PAK1: variants seen among roughly 807,000 people sequenced by gnomAD.
The protein encoded by PAK1 is serine/threonine-protein kinase PAK 1.
PAK1 carries 29 observed loss-of-function variants against 67.4 expected under a neutral mutation model. The observed-to-expected ratio is 0.43, with a 90% CI of 0.32 to 0.59. The LOEUF (loss-of-function observed/expected upper bound fraction) is 0.59, where lower values mean the gene tolerates loss of function less well. PAK1 is among the 20% of genes least tolerant of loss of function. PAK1 has a pLI of 0.07. For synonymous variants in PAK1, 223 were observed against 237.4 expected (o/e 0.94, Z 0.56); for missense variants, 337 against 670.7 (o/e 0.50, Z 5.50).
chr11:77,359,825 C>T (rs1190097847), intron 5 of PAK1, among the ~76,000 whole-genome samples: 1 of 152,082 alleles, frequency 6.6e-6, no homozygotes, highest in Non-Finnish European at 1.5e-5. Context: ...AAAATGCCTC[C>T]AAAATATGAG....
chr11:77,430,761 G>A (rs752619120), intron 1 of PAK1, among the ~76,000 whole-genome samples: 5 of 152,178 alleles, frequency 3.3e-5, no homozygotes, highest in African/African-American at 4.8e-5. Context: ...GTTGTAAAGC[G>A]TTAGGAAAAG....
chr11:77,492,198 G>A, the PAK1 span, among the ~76,000 whole-genome samples: 3 of 152,086 alleles, frequency 2.0e-5, no homozygotes, highest in East Asian at 1.9e-4. Flanking sequence ...AGCCGGGCAC[G>A]GTGGCAGGTG....
chr11:77,506,422 G>A, the PAK1 span, among the ~76,000 whole-genome samples: 2 of 152,224 alleles, frequency 1.3e-5, no homozygotes, highest in Non-Finnish European at 2.9e-5. Context: ...AGCTTTGCTT[G>A]TCACTACTGT....
chr11:77,450,983 A>G (rs1253168178), intron 1 of PAK1, among the ~76,000 whole-genome samples: 2 of 152,208 alleles, frequency 1.3e-5, no homozygotes, highest in African/African-American at 2.4e-5. Context: ...CACCACCTAT[A>G]GCCTCTGGAA....
chr11:77,359,831 A>G (rs1946541234), intron 5 of PAK1, among the ~76,000 whole-genome samples: 2 of 152,144 alleles, frequency 1.3e-5, no homozygotes, highest in South Asian at 4.1e-4. Context: ...CCTCCAAAAT[A>G]TGAGATTTTT....
At chr11:77,428,167 G>T (rs1160036796) in intron 1 of PAK1, among the ~76,000 whole-genome samples, 2 of 152,156 alleles carry the variant, frequency 1.3e-5, no homozygotes, top group African/African-American at 4.8e-5. Flanking sequence ...GCAGAGCAGT[G>T]GCATGATTTG....
chr11:77,497,101 C>T, the PAK1 span, among the ~76,000 whole-genome samples: 1 of 152,054 alleles, frequency 6.6e-6, no homozygotes, highest in Admixed American at 6.6e-5. Context: ...TGAATCTGTC[C>T]CACTGTATAG....
intron 2 of PAK1, among the ~76,000 whole-genome samples, chr11:77,388,285 C>T (rs1056042156): frequency 1.3e-5 from 2 of 152,210 alleles, no homozygotes; most frequent in African/African-American, 4.8e-5. Context: ...TTCTTTTCAC[C>T]TATATAGACA....
intron 1 of PAK1, chr11:77,455,920 G>A (rs1957060239): frequency 6.6e-6 from 1 of 152,204 alleles, no homozygotes; most frequent in South Asian, 2.1e-4. Context: ...GAGCTCTGAA[G>A]AATGAGGGGT....
chr11:77,371,548 T>A (rs1948426726), intron 5 of PAK1, among the ~76,000 whole-genome samples: 1 of 152,202 alleles, frequency 6.6e-6, no homozygotes, highest in Admixed American at 6.5e-5. Context: ...TACTAACTCA[T>A]TCAAACGTAG....
the PAK1 span, among the ~76,000 whole-genome samples, chr11:77,491,571 A>G: frequency 6.6e-6 from 1 of 152,160 alleles, no homozygotes; most frequent in South Asian, 2.1e-4. Flanking sequence ...TAGAGTTTTT[A>G]TTAGTTTTCT....
At chr11:77,496,186 T>C in the PAK1 span, among the ~76,000 whole-genome samples, 1 of 151,670 alleles carries the variant, frequency 6.6e-6, no homozygotes, top group East Asian at 2.0e-4. Flanking sequence ...GCCTGGCTAA[T>C]TTTTGTATTT....
chr11:77,326,038 G>A (rs986589458), intron 14 of PAK1, among the ~76,000 whole-genome samples: 1 of 152,012 alleles, frequency 6.6e-6, no homozygotes, highest in African/African-American at 2.4e-5. Context: ...GTCACTTCTG[G>A]GCTTCATAAT....
At chr11:77,339,503 C>G (rs1943251563) in intron 11 of PAK1, among the ~76,000 whole-genome samples, 1 of 151,662 alleles carries the variant, frequency 6.6e-6, no homozygotes, top group Non-Finnish European at 1.5e-5. Flanking sequence ...AAAAAAAAGT[C>G]AGAACCCCTA....
At chr11:77,481,153 A>G in the PAK1 span, among the ~76,000 whole-genome samples, 1 of 152,098 alleles carries the variant, frequency 6.6e-6, no homozygotes, top group Non-Finnish European at 1.5e-5. Flanking sequence ...TAACTACATC[A>G]TTCCAGTGTC....
Position 77,441,930 on chromosome 11 carries a change from G to A in PAK1, c.-22+31622C>T, listed in dbSNP as rs183142869. On this transcript the variant is annotated intron_variant, in intron 1 of 14. Transcript: ENST00000356341. ...ATCTTCTTGTGTTCCCGACCCTCACGAAAGTGTCTGGTTGCTGGTAAAACA... is the reference window on the plus strand; with the variant it reads ...ATCTTCTTGTGTTCCCGACCCTCACAAAAGTGTCTGGTTGCTGGTAAAACA... 2.6e-5 allele frequency among the ~76,000 whole-genome samples: 4 copies of A among 152,282 alleles called. No individual in the cohort carries two copies. In the East Asian group the frequency reaches 5.8e-4, roughly 22 times the overall value.
chr11:77,402,559 C>T (rs951641812), intron 1 of PAK1, among the ~76,000 whole-genome samples: 1 of 152,112 alleles, frequency 6.6e-6, no homozygotes, highest in African/African-American at 2.4e-5. Context: ...GATGACCTGC[C>T]TTACAGGTTG....
the PAK1 span, among the ~76,000 whole-genome samples, chr11:77,529,424 A>C: frequency 6.6e-6 from 1 of 152,262 alleles, no homozygotes; most frequent in Non-Finnish European, 1.5e-5. Flanking sequence ...AGCCACTTCA[A>C]CATCTTTGAG....
Position 77,392,406 on chromosome 11 carries a change from T to C in PAK1, c.115A>G (p.Lys39Glu). 6.2e-7 allele frequency: 1 copy of C among 1,614,092 alleles called. No homozygotes were observed. The highest frequency in any genetic ancestry group is 8.5e-7 in the Non-Finnish European group (1 of 1,179,974). Residue 39 changes from lysine (K) to glutamate (E), a missense_variant, in exon 2 of 15, where the codon AAA becomes GAA. Lys to Glu is a moderately conservative substitution (Grantham distance 56). Transcript: ENST00000356341. ...KDAGTLNHGS[K>E]PLPPNPEEKK... ...TCCTCTGGGTTTGGAGGCAGAGGTT[T>C]AGAACCATGGTTTAGGGTTCCAGCA...
Sources: gnomAD v4.1 joint callset for allele counts (sites outside exome capture counted in the v4.1 genomes callset) on GRCh38, gnomAD v4.1.1 for gene constraint, MANE v1.5 for transcripts, NCBI Gene and HGNC (gene_info 2026-07-23, HGNC 2026-07-21) for gene names.